The following HEXA variants were observed in gnomAD, a reference collection of about 807,000 sequenced individuals.
HEXA encodes hexosaminidase subunit alpha.
A neutral mutation model predicts 73.3 loss-of-function variants in HEXA; 54 were observed. The observed-to-expected ratio is 0.74, with a 90% CI of 0.59 to 0.92. The LOEUF is 0.92. Among genes scored for constraint, HEXA ranks in the 40% least tolerant of loss-of-function variants. The pLI is 0.00. For missense variants in HEXA, 649 were observed against 653.0 expected (o/e 0.99, Z 0.07); for synonymous variants, 230 against 246.9 (o/e 0.93, Z 0.64).
At chr15:72,375,331 G>T (rs908587576) in intron 1 of HEXA, among the ~76,000 whole-genome samples, 3 of 151,976 alleles carry the variant, frequency 2.0e-5, no homozygotes, top group Admixed American at 6.6e-5. Context: ...CTCGTGATCC[G>T]CCCGCCAAAC....
Position 72,347,952 on chromosome 15 carries a change from C to T in HEXA, c.1073+96G>A. ...AAGGACAAGGGAACCCTGCAGGGACCAGACAGTGGCCAAGCAGGGCCTGAC... is the reference window on the plus strand; with the variant it reads ...AAGGACAAGGGAACCCTGCAGGGACTAGACAGTGGCCAAGCAGGGCCTGAC... On this transcript the variant is annotated intron_variant, in intron 9 of 13. Coordinates refer to ENST00000268097, the MANE Select transcript of HEXA (RefSeq NM_000520.6). 4 of 1,018,304 alleles carry T rather than the reference C, an allele frequency of 3.9e-6. No homozygotes were observed. The Admixed American group carries it at 7.5e-5, about 19-fold the overall frequency. The allele number at this position is 1,018,304 out of a possible 1,614,324, so 63.1% of individuals were successfully genotyped here. A position where few individuals can be genotyped will look rare whatever the true frequency, so the allele number is the denominator to read the frequency against.
chr15:72,348,192 G>GACTAATCCCCA, intron 8 of HEXA, 58 bp from the exon 9 acceptor site: 3 of 1,207,050 alleles, frequency 2.5e-6, no homozygotes, highest in African/African-American at 1.5e-5. Context: ...CCTAATGCCT[G>GACTAATCCCCA]GGGATTAGTC....
intron 1 of HEXA, among the ~76,000 whole-genome samples, chr15:72,365,159 G>A (rs533812585): frequency 4.6e-4 from 70 of 152,096 alleles, no homozygotes; most frequent in South Asian, 1.5e-3. Flanking sequence ...GCGCGATCTC[G>A]GCTCACCGCA....
chr15:72,363,889 T>C (rs116192808), intron 1 of HEXA, among the ~76,000 whole-genome samples: 1,756 of 152,312 alleles, frequency 0.012, 30 homozygotes, highest in African/African-American at 0.04. Context: ...TCTCAAGGGA[T>C]AACTTTAGTT....
intron 1 of HEXA, among the ~76,000 whole-genome samples, chr15:72,366,014 C>G (rs1395813466): frequency 1.3e-5 from 2 of 152,158 alleles, no homozygotes. Context: ...ACCTTGTAAA[C>G]CCTCTGAGAT....
chr15:72,345,179 G>A (rs948974391), intron 13 of HEXA: 3 of 497,160 alleles, frequency 6.0e-6, no homozygotes, highest in Non-Finnish European at 1.1e-5. Context: ...CCATATACTT[G>A]AAATGATCTT....
Position 72,344,240 on chromosome 15 carries a change from G to A in HEXA, c.1527-100C>T, listed in dbSNP as rs756626573. The A allele has an allele frequency of 8.5e-6, 7 of 826,362 alleles. No individual in the cohort carries two copies. The African/African-American group carries it at 1.0e-4, about 12-fold the overall frequency. 51.2% of individuals were successfully genotyped at this position (826,362 alleles called of 1,614,324 possible). A position where few individuals can be genotyped will look rare whatever the true frequency, so the allele number is the denominator to read the frequency against. ...ACAGTCTCTCCTTCCCCATTTCGGT[G>A]ACTCTCAAACTGTCACTGTACACCA... is the stretch of plus-strand genomic sequence containing the variant. On this transcript the variant is annotated intron_variant, in intron 13 of 13. Coordinates refer to ENST00000268097, the MANE Select transcript of HEXA (RefSeq NM_000520.6).
intron 1 of HEXA, among the ~76,000 whole-genome samples, chr15:72,373,044 T>C (rs1364766647): frequency 6.6e-6 from 1 of 152,170 alleles, no homozygotes; most frequent in Non-Finnish European, 1.5e-5. Context: ...GGTGGGAGAA[T>C]TGCTTGAGAC....
intron 5 of HEXA, chr15:72,351,810 C>CTTTTTTTTTTTTTTTTTTTTTTTTT (rs71133985): frequency 1.6e-5 from 1 of 62,354 alleles, no homozygotes; most frequent in Non-Finnish European, 3.2e-5. Flanking sequence ...CCAGGAAAGG[C>CTTTTTTTTTTTTTTTTTTTTTTTTT]TTTTTTTTTT....
rs539001087 is a variant in HEXA, at chr15:72,352,689, C to A, written c.570+379G>T. 1.4e-3 allele frequency among the ~76,000 whole-genome samples: 204 copies of A among 146,864 alleles called. 1 individual carries two copies. The highest frequency in any genetic ancestry group is 6.0e-3 in the South Asian group (28 of 4,652). On this transcript the variant is annotated intron_variant, in intron 5 of 13. Transcript: ENST00000268097. ...ATTTTTTTTTTTTTTTTTGAGACAGCGTCTCACTCTTTCACCCAGGCTGGA... is the reference window on the plus strand; with the variant it reads ...ATTTTTTTTTTTTTTTTTGAGACAGAGTCTCACTCTTTCACCCAGGCTGGA...
At position 72,372,165 on chromosome 15, in the gene HEXA, G is replaced by A. The variant is rs986741207; in HGVS notation, c.253+3555C>T. 5.9e-5 allele frequency among the ~76,000 whole-genome samples: 9 copies of A among 151,818 alleles called. No homozygotes were observed. In the South Asian group the frequency reaches 8.3e-4, roughly 14 times the overall value. ...CTGGCCAACGTGGTGAAACCCCATC[G>A]CTACTAAACCCCGTCTCTACTAAAA... On this transcript the variant is annotated intron_variant, in intron 1 of 13. Transcript: ENST00000268097.
chr15:72,345,571 G>A (rs1398773609), intron 12 of HEXA, 21 bp from the exon 13 acceptor site: 1 of 1,613,416 alleles, frequency 6.2e-7, no homozygotes, highest in African/African-American at 1.3e-5. Context: ...AGGGGCATGT[G>A]CCAGATTGGG....
intron 1 of HEXA, among the ~76,000 whole-genome samples, chr15:72,364,731 A>G (rs1229359297): frequency 6.6e-6 from 1 of 151,990 alleles, no homozygotes; most frequent in Non-Finnish European, 1.5e-5. Context: ...GAACATCTCA[A>G]TTCTTTTTCA....
intron 5 of HEXA, chr15:72,351,625 G>A (rs766071826): frequency 3.2e-5 from 10 of 313,104 alleles, no homozygotes; most frequent in Non-Finnish European, 5.6e-5. Flanking sequence ...GCCCAACTGT[G>A]AGACCTCCTG....
rs112614306 is a variant in HEXA, at chr15:72,351,223, C to T, written c.582G>A (p.Ala194=). 43 of 1,606,490 alleles carry T rather than the reference C, an allele frequency of 2.7e-5. No homozygotes were observed. Among genetic ancestry groups the T allele is most frequent in the African/African-American group, 2.7e-4 (20 of 74,748 alleles). The change falls in exon 6 of 14, where the codon GCG becomes GCA. Residue 194 remains alanine (A), a synonymous_variant. Transcript: ENST00000268097. ...SSILDTLDVM[A]YNKLNVFHWH... is the part of the protein sequence containing the mutation. ...AGTGGAACACGTTCAATTTATTGTACGCCATGACATCCTGTAGGTTAAAGT... is the reference window on the plus strand; with the variant it reads ...AGTGGAACACGTTCAATTTATTGTATGCCATGACATCCTGTAGGTTAAAGT...
intron 13 of HEXA, 47 bp from the exon 14 acceptor site, chr15:72,344,187 GC>G: frequency 6.8e-7 from 1 of 1,468,516 alleles, no homozygotes; most frequent in Non-Finnish European, 9.5e-7. Flanking sequence ...CTCAGAAGGG[GC>G]CCCAGCAACA....
chr15:72,360,677 C>T (rs1357729214), intron 1 of HEXA, among the ~76,000 whole-genome samples: 1 of 152,164 alleles, frequency 6.6e-6, no homozygotes, highest in African/African-American at 2.4e-5. Context: ...CAAAGACTCC[C>T]TAGAGGAAAT....
At chr15:72,354,768 T>G (rs781037305) in intron 3 of HEXA, 9 of 152,230 alleles carry the variant, frequency 5.9e-5, no homozygotes, top group Non-Finnish European at 1.3e-4. Flanking sequence ...CCCACATCAT[T>G]CACCAGCAGA....
At chr15:72,371,284 G>A (rs956354220) in intron 1 of HEXA, among the ~76,000 whole-genome samples, 7 of 152,140 alleles carry the variant, frequency 4.6e-5, no homozygotes, top group African/African-American at 1.7e-4. Context: ...TTGGTAACCT[G>A]AAAGGAAAGG....
Sources: allele counts gnomAD v4.1 joint callset (sites outside exome capture counted in the v4.1 genomes callset), GRCh38; gene constraint gnomAD v4.1.1; transcripts MANE v1.5; gene names NCBI Gene and HGNC (gene_info 2026-07-23, HGNC 2026-07-21).